The following ADAMTSL1 variants were observed in gnomAD, a reference collection of about 807,000 sequenced individuals.
ADAMTSL1 encodes ADAMTS like 1, also known as ADAMTS-like protein 1.
Under a neutral mutation model 201.8 loss-of-function variants are expected in ADAMTSL1, and 126 were observed. That is an observed-to-expected ratio of 0.62 (90% confidence interval 0.54 to 0.72). ADAMTSL1 has a LOEUF of 0.72. ADAMTSL1 is among the 30% of genes least tolerant of loss of function. The pLI is 0.00. For missense variants in ADAMTSL1, 2,679 were observed against 2,277.8 expected, an observed-to-expected ratio of 1.18 and a Z score of -3.59; for synonymous variants, 1,121 against 903.4, an observed-to-expected ratio of 1.24 and a Z score of -4.32.
intron 1 of ADAMTSL1, among the ~76,000 whole-genome samples, chr9:18,057,096 A>C (rs1822226052): frequency 6.6e-6 from 1 of 152,174 alleles, no homozygotes. Context: ...TCAAAGTTGC[A>C]CACTAGGTAC....
intron 13 of ADAMTSL1, among the ~76,000 whole-genome samples, chr9:18,700,145 A>C (rs575507): frequency 0.27 from 40,333 of 152,066 alleles, 5,374 homozygotes; most frequent in Admixed American, 0.35. Flanking sequence ...TTGGATAAGT[A>C]TTATCTCAAA....
At chr9:18,482,909 T>C (rs1821801264) in intron 1 of ADAMTSL1, among the ~76,000 whole-genome samples, 1 of 152,238 alleles carries the variant, frequency 6.6e-6, no homozygotes, top group South Asian at 2.1e-4. Context: ...TGAGACCTAA[T>C]ATAATTTCCC....
intron 2 of ADAMTSL1, among the ~76,000 whole-genome samples, chr9:18,327,136 T>C (rs1038634609): frequency 6.6e-6 from 1 of 152,246 alleles, no homozygotes; most frequent in Admixed American, 6.5e-5. Flanking sequence ...GTAGGTCATT[T>C]TTAGTTATAT....
At chr9:18,347,823 G>C (rs1408480948) in intron 2 of ADAMTSL1, among the ~76,000 whole-genome samples, 4 of 152,202 alleles carry the variant, frequency 2.6e-5, no homozygotes, top group African/African-American at 9.6e-5. Context: ...TTTAAGTTAG[G>C]TGTTGAATGC....
intron 1 of ADAMTSL1, among the ~76,000 whole-genome samples, chr9:18,016,106 C>G (rs893143982): frequency 1.3e-5 from 2 of 151,954 alleles, no homozygotes; most frequent in African/African-American, 4.8e-5. Flanking sequence ...CGGGAATGTT[C>G]CTGTTATGGG....
chr9:18,086,064 C>T (rs2131796406), intron 1 of ADAMTSL1, among the ~76,000 whole-genome samples: 1 of 152,168 alleles, frequency 6.6e-6, no homozygotes, highest in East Asian at 1.9e-4. Context: ...AGCTAGCGGG[C>T]TGGCACTGAC....
intron 23 of ADAMTSL1, among the ~76,000 whole-genome samples, chr9:18,832,285 T>C (rs933146053): frequency 2.6e-5 from 4 of 152,104 alleles, no homozygotes; most frequent in African/African-American, 9.7e-5. Flanking sequence ...CTGACTCCTA[T>C]AGGTGGCCCT....
At chr9:18,895,852 A>G (rs992860853) in intron 26 of ADAMTSL1, among the ~76,000 whole-genome samples, 1 of 152,250 alleles carries the variant, frequency 6.6e-6, no homozygotes, top group Non-Finnish European at 1.5e-5. Flanking sequence ...ATGGGAAAAT[A>G]TGGCCCATTT....
chr9:18,013,039 T>C (rs1820119409), intron 1 of ADAMTSL1, among the ~76,000 whole-genome samples: 1 of 151,922 alleles, frequency 6.6e-6, no homozygotes. Flanking sequence ...TTTCCTTTTC[T>C]TATCTCCATT....
intron 1 of ADAMTSL1, among the ~76,000 whole-genome samples, chr9:18,056,750 T>C (rs920236052): frequency 5.3e-5 from 8 of 152,124 alleles, no homozygotes; most frequent in Non-Finnish European, 8.8e-5. Flanking sequence ...TGGGGTAACG[T>C]CCTGCTACAT....
At chr9:18,588,652 T>A (rs1420530112) in intron 4 of ADAMTSL1, among the ~76,000 whole-genome samples, 1 of 151,810 alleles carries the variant, frequency 6.6e-6, no homozygotes, top group African/African-American at 2.4e-5. Flanking sequence ...AAAATGGGGC[T>A]CTAATTTTAT....
rs57819237 is a variant in ADAMTSL1 at position 18,862,765 on chromosome 9, G to C, written c.4250-25066G>C. On this transcript the variant is annotated intron_variant, in intron 23 of 28. Transcript: ENST00000380548. ...CTTAGCTCCAGGCAGCCTGCAGCCA[G>C]GCCTCCCTAGGGTCATCCTGGTCTT... Among the ~76,000 whole-genome samples the C allele has an allele frequency of 3.9e-5, 6 of 152,260 alleles. No homozygotes were observed. The East Asian group carries it at 9.6e-4, about 24-fold the overall frequency.
intron 2 of ADAMTSL1, among the ~76,000 whole-genome samples, chr9:18,318,375 C>T (rs1834489236): frequency 6.6e-6 from 1 of 152,124 alleles, no homozygotes; most frequent in Non-Finnish European, 1.5e-5. Flanking sequence ...TCAGCACTAC[C>T]TGGAAACTTG....
At chr9:17,931,913 TA>T (rs751644103) in intron 1 of ADAMTSL1, among the ~76,000 whole-genome samples, 2 of 152,158 alleles carry the variant, frequency 1.3e-5, no homozygotes, top group Non-Finnish European at 1.5e-5. Flanking sequence ...AGATGGTGAA[TA>T]ATCATCTTCC....
intron 5 of ADAMTSL1, among the ~76,000 whole-genome samples, chr9:18,634,260 TAAA>T (rs199977156): frequency 1.3e-5 from 2 of 151,130 alleles, no homozygotes; most frequent in Non-Finnish European, 3.0e-5. Context: ...TGTACACTGT[TAAA>T]AAAAAATATG....
At chr9:18,415,181 C>G (rs1440761282) in intron 2 of ADAMTSL1, among the ~76,000 whole-genome samples, 3 of 152,124 alleles carry the variant, frequency 2.0e-5, no homozygotes, top group Non-Finnish European at 2.9e-5. Context: ...CGAAACTTAG[C>G]AGCAATGCAA....
intron 1 of ADAMTSL1, among the ~76,000 whole-genome samples, chr9:17,966,834 A>G (rs752139576): frequency 2.6e-5 from 4 of 152,022 alleles, no homozygotes; most frequent in Admixed American, 6.6e-5. Context: ...TGATTACCTA[A>G]TAGTACAGTT....
intron 23 of ADAMTSL1, among the ~76,000 whole-genome samples, chr9:18,881,146 T>G (rs1403083566): frequency 6.6e-6 from 1 of 152,222 alleles, no homozygotes; most frequent in Non-Finnish European, 1.5e-5. Context: ...AAAACTTTCT[T>G]CGTATCAGCA....
chr9:18,498,578 T>C (rs937686026), intron 1 of ADAMTSL1, among the ~76,000 whole-genome samples: 2 of 152,152 alleles, frequency 1.3e-5, no homozygotes, highest in Admixed American at 1.3e-4. Flanking sequence ...CCTCAGCTGA[T>C]CCGCCCGCCT....
Sources: gnomAD v4.1 joint callset for allele counts (sites outside exome capture counted in the v4.1 genomes callset) on GRCh38, gnomAD v4.1.1 for gene constraint, MANE v1.5 for transcripts, NCBI Gene and HGNC (gene_info 2026-07-23, HGNC 2026-07-21) for gene names.